Variants in HMCN1 observed in about 807,000 individuals in gnomAD.
HMCN1 encodes the protein hemicentin-1.
Under a neutral mutation model 625.9 loss-of-function variants are expected in HMCN1, and 321 were observed. The ratio of observed to expected loss-of-function variants is 0.51; its 90% CI spans 0.47 to 0.56. HMCN1 has a LOEUF of 0.56. Among genes scored for constraint, HMCN1 ranks in the 20% least tolerant of loss-of-function variants. HMCN1 has a pLI of 0.00. For missense variants in HMCN1, 6,588 were observed against 6,887.3 expected, an observed-to-expected ratio of 0.96 and a Z score of 1.54; for synonymous variants, 2,425 against 2,417.6, an observed-to-expected ratio of 1.00 and a Z score of -0.09.
chr1:185,928,765 C>A (rs913451990), intron 10 of HMCN1, 98 bp downstream of exon 10: 4 of 1,316,946 alleles, frequency 3.0e-6, no homozygotes, highest in East Asian at 2.4e-5. Flanking sequence ...ATTGTCTTTG[C>A]GATTATTTTA....
At chr1:185,939,529 G>GT (rs567325250) in intron 11 of HMCN1, among the ~76,000 whole-genome samples, 105 of 152,100 alleles carry the variant, frequency 6.9e-4, no homozygotes, top group Non-Finnish European at 9.9e-4. Context: ...TAGTTTTTTT[G>GT]TTTTTCTTTT....
chr1:186,103,369 T>G, intron 68 of HMCN1, 103 bp from the exon 69 acceptor site: 2 of 922,002 alleles, frequency 2.2e-6, no homozygotes, highest in South Asian at 2.8e-5. Flanking sequence ...TAATCAATTT[T>G]TATCATGTGA....
chr1:185,993,247 A>T lies in HMCN1; in HGVS notation c.3443A>T (p.Tyr1148Phe), dbSNP rs749809530. Residue 1148 changes from tyrosine (Y) to phenylalanine (F), a missense_variant, in exon 23 of 107, where the codon TAT becomes TTT. Tyr to Phe is a conservative substitution (Grantham distance 22). Coordinates refer to ENST00000271588, the MANE Select transcript of HMCN1 (RefSeq NM_031935.3). ...TETRTSDSGM[Y>F]LCVATNIAGN... ...ACCCGCACTTCAGATAGTGGGATGTATCTTTGTGTTGCCACAAATATTGCT... is the reference window on the plus strand; with the variant it reads ...ACCCGCACTTCAGATAGTGGGATGTTTCTTTGTGTTGCCACAAATATTGCT... The T allele has an allele frequency of 3.7e-6, 6 of 1,613,102 alleles. No homozygotes were observed. Among genetic ancestry groups the T allele is most frequent in the Admixed American group, 1.7e-5 (1 of 59,978 alleles).
intron 49 of HMCN1, 107 bp downstream of exon 49, chr1:186,065,536 T>G (rs2102326507): frequency 1.3e-6 from 1 of 749,436 alleles, no homozygotes; most frequent in East Asian, 2.7e-5. Flanking sequence ...AATTTCATCA[T>G]GTAAGGAGGA....
chr1:186,178,291 T>C lies in HMCN1; in HGVS notation c.15944-125T>C. The C allele has an allele frequency of 4.2e-6, 3 of 719,802 alleles. No individual in the cohort carries two copies. The South Asian group carries it at 4.9e-5, about 12-fold the overall frequency. 44.6% of individuals were successfully genotyped at this position (719,802 alleles called of 1,614,324 possible). A position where few individuals can be genotyped will look rare whatever the true frequency, so the allele number is the denominator to read the frequency against. ...CACAACAGTTGAGGAGAAATTACTG[T>C]ATGCCTGGCTTTGGAGGGTAACAAT... On this transcript the variant is annotated intron_variant, in intron 103 of 106. Coordinates refer to ENST00000271588, the MANE Select transcript of HMCN1 (RefSeq NM_031935.3).
Position 185,970,317 on chromosome 1 carries a change from C to T in HMCN1, c.2213-18C>T. Reference sequence around the variant, plus strand: ...TAATACTTTAGTGTTTAATGTTCTCCCCTTTGTTTTGACTTAGGAGATCTT... The same window carrying T: ...TAATACTTTAGTGTTTAATGTTCTCTCCTTTGTTTTGACTTAGGAGATCTT... On this transcript the variant is annotated intron_variant, in intron 14 of 106. Coordinates refer to ENST00000271588, the MANE Select transcript of HMCN1 (RefSeq NM_031935.3). 3.7e-6 allele frequency: 6 copies of T among 1,606,886 alleles called. No homozygotes were observed. Among genetic ancestry groups the T allele is most frequent in the Non-Finnish European group, 5.1e-6 (6 of 1,173,490 alleles).
chr1:186,050,940 G>T (rs2102271502), intron 42 of HMCN1, among the ~76,000 whole-genome samples: 1 of 152,122 alleles, frequency 6.6e-6, no homozygotes, highest in East Asian at 1.9e-4. Flanking sequence ...ATCATAGGTG[G>T]TTATGTAGAA....
At chr1:186,173,666 A>AAAAG (rs1436206105) in intron 102 of HMCN1, among the ~76,000 whole-genome samples, 1 of 151,514 alleles carries the variant, frequency 6.6e-6, no homozygotes, top group East Asian at 1.9e-4. Context: ...GAAAAAAGAA[A>AAAAG]AAAAAAAAGT....
At chr1:185,883,931 G>C (rs1255132324) in intron 4 of HMCN1, among the ~76,000 whole-genome samples, 1 of 97,548 alleles carries the variant, frequency 1.0e-5, no homozygotes, top group Non-Finnish European at 2.0e-5. Flanking sequence ...TAGTGATTTT[G>C]GATTGTAGAC....
chr1:185,978,555 G>T (rs750578984), intron 16 of HMCN1, among the ~76,000 whole-genome samples: 17 of 152,084 alleles, frequency 1.1e-4, no homozygotes, highest in Middle Eastern at 3.2e-3. Context: ...ATAATTGCAT[G>T]GTGTTACCAG....
At chr1:186,055,086 C>T (rs559465274) in intron 44 of HMCN1, among the ~76,000 whole-genome samples, 13 of 152,022 alleles carry the variant, frequency 8.6e-5, no homozygotes, top group Middle Eastern at 3.4e-3. Context: ...GGAAGACTTA[C>T]GTAAGGCAGG....
At chr1:185,871,012 A>G (rs1323708072) in intron 4 of HMCN1, among the ~76,000 whole-genome samples, 1 of 152,122 alleles carries the variant, frequency 6.6e-6, no homozygotes, top group East Asian at 1.9e-4. Context: ...TGGGCGGATC[A>G]TGAGGTCAAG....
At chr1:185,867,759 G>C (rs1282554198) in intron 4 of HMCN1, among the ~76,000 whole-genome samples, 3 of 152,100 alleles carry the variant, frequency 2.0e-5, no homozygotes, top group Non-Finnish European at 4.4e-5. Context: ...TTTGTGAGCA[G>C]TCAGACACCA....
At chr1:185,909,997 C>T (rs1012976815) in intron 5 of HMCN1, among the ~76,000 whole-genome samples, 2 of 152,008 alleles carry the variant, frequency 1.3e-5, no homozygotes, top group African/African-American at 4.8e-5. Context: ...TAATAATTCA[C>T]TTTGCCTCTT....
At chr1:185,899,115 T>C (rs1665659284) in intron 4 of HMCN1, among the ~76,000 whole-genome samples, 1 of 152,140 alleles carries the variant, frequency 6.6e-6, no homozygotes, top group Non-Finnish European at 1.5e-5. Flanking sequence ...AAGTAAGATA[T>C]TTAAGCTATG....
At chr1:185,859,998 G>T (rs116115206) in intron 2 of HMCN1, among the ~76,000 whole-genome samples, 4 of 152,106 alleles carry the variant, frequency 2.6e-5, no homozygotes, top group African/African-American at 9.6e-5. Flanking sequence ...GGCCACTTGT[G>T]ATTTAAAATT....
At chr1:185,990,251 T>C in intron 21 of HMCN1, 24 bp from the exon 22 acceptor site, 1 of 1,607,904 alleles carries the variant, frequency 6.2e-7, no homozygotes, top group Non-Finnish European at 8.5e-7. Flanking sequence ...ACTGTTTCCC[T>C]TCCAAAACAT....
chr1:186,000,162 A>G lies in HMCN1; in HGVS notation c.3992A>G (p.Tyr1331Cys), dbSNP rs376178458. ...CTGGTTATTGCTTCTGTTACACCCT[A>G]TGACAATGGGGAGTACATCTGTGTG... ...TLLVIASVTP[Y>C]DNGEYICVAV... The change falls in exon 26 of 107, where the codon TAT (tyrosine) becomes TGT (cysteine). Residue 1331 changes from tyrosine to cysteine, a missense_variant. Around this residue, in one of 3 missense-constraint regions of HMCN1, gnomAD observed 4,628 missense variants for 4,853.1 expected, o/e 0.95. Transcript: ENST00000271588. 4.5e-5 allele frequency: 72 copies of G among 1,613,080 alleles called. No individual in the cohort carries two copies. The highest frequency in any genetic ancestry group is 5.4e-5 in the Non-Finnish European group (64 of 1,179,430).
rs759056349 is a variant in HMCN1 at position 185,925,063 on chromosome 1, G to A, written c.1302G>A (p.Thr434=). The A allele has an allele frequency of 1.2e-6, 2 of 1,612,626 alleles. No homozygotes were observed. The highest frequency in any genetic ancestry group is 1.3e-5 in the African/African-American group (1 of 74,738). The change falls in exon 9 of 107, where the codon ACG becomes ACA. Residue 434 remains threonine, a synonymous_variant. Coordinates refer to ENST00000271588, the MANE Select transcript of HMCN1 (RefSeq NM_031935.3). ...SSIVPDAPKV[T]MPEKTPGYYL... is the part of the protein sequence containing the mutation. ...TTTTCCTAGATGCTCCCAAAGTTAC[G>A]ATGCCTGAGAAAACCCCAGGATACT...
Sources: gnomAD v4.1 joint callset for allele counts (sites outside exome capture counted in the v4.1 genomes callset) on GRCh38, gnomAD v4.1.1 for gene constraint, gnomAD v4.1.1 regional missense constraint, MANE v1.5 for transcripts, NCBI Gene and HGNC (gene_info 2026-07-23, HGNC 2026-07-21) for gene names.